NAALAD2: variants seen among roughly 807,000 people sequenced by gnomAD.
NAALAD2 encodes the protein N-acetylated-alpha-linked acidic dipeptidase 2.
In NAALAD2, 89 loss-of-function variants were observed where a neutral mutation model predicts 95.6. That is an observed-to-expected ratio of 0.93 (90% CI 0.78 to 1.11). NAALAD2 has a LOEUF of 1.11. Ranked by LOEUF, NAALAD2 falls within the 50% of genes least tolerant of loss-of-function variation. The pLI is 0.00. For missense variants in NAALAD2, 894 were observed against 872.4 expected (o/e 1.02, Z -0.31); for synonymous variants, 264 against 294.4 (o/e 0.90, Z 1.06).
chr11:90,159,119 G>A, intron 7 of NAALAD2, 120 bp from the exon 8 acceptor site: 1 of 774,700 alleles, frequency 1.3e-6, no homozygotes. Flanking sequence ...ACAGTACCTG[G>A]CACTTAGTAA....
chr11:90,177,586 G>GTTTTGTTTTTTTTT (rs1952833043), intron 15 of NAALAD2, among the ~76,000 whole-genome samples: 1 of 28,456 alleles, frequency 3.5e-5, no homozygotes, highest in Non-Finnish European at 6.2e-5. Context: ...TCTTTTTCTT[G>GTTTTGTTTTTTTTT]TTTTTTTTTT....
At chr11:90,135,229 C>T (rs749117707) in intron 1 of NAALAD2, 2 of 293,004 alleles carry the variant, frequency 6.8e-6, no homozygotes, top group East Asian at 6.4e-5. Flanking sequence ...CTGCTCTATA[C>T]GTAAATAAAT....
Position 90,152,291 on chromosome 11 carries a change from C to T in NAALAD2, c.610-7C>T, listed in dbSNP as rs1434955285. ...TCTGCATTATGAATTGCACATTGCCCCTGCAGGTTAAAAATGCCATGTTAG... is the reference window on the plus strand; with the variant it reads ...TCTGCATTATGAATTGCACATTGCCTCTGCAGGTTAAAAATGCCATGTTAG... On this transcript the variant is annotated splice_polypyrimidine_tract_variant and splice_region_variant and intron_variant, in intron 5 of 18. Coordinates refer to ENST00000534061, the MANE Select transcript of NAALAD2 (RefSeq NM_005467.4). The T allele has an allele frequency of 1.3e-6, 2 of 1,581,922 alleles. No homozygotes were observed. Among genetic ancestry groups the T allele is most frequent in the Non-Finnish European group, 1.7e-6 (2 of 1,156,398 alleles).
At position 90,192,141 on chromosome 11, in the gene NAALAD2, T is replaced by C. The variant is rs143722547; in HGVS notation, c.*394T>C. 1.8e-3 allele frequency: 274 copies of C among 152,876 alleles called. 5 individuals are homozygous for C. In the East Asian group the frequency reaches 0.025, roughly 14 times the overall value. 9.5% of individuals were successfully genotyped at this position (152,876 alleles called of 1,614,324 possible). On this transcript the variant is annotated 3_prime_UTR_variant, in exon 19 of 19. Coordinates refer to ENST00000534061, the MANE Select transcript of NAALAD2 (RefSeq NM_005467.4). ...GACTCCAGAATTCCACTTCTAGTTATTTATTCAAGAGAAGGAAAAACAATG... is the reference window on the plus strand; with the variant it reads ...GACTCCAGAATTCCACTTCTAGTTACTTATTCAAGAGAAGGAAAAACAATG...
chr11:90,149,560 G>A (rs192618423), intron 4 of NAALAD2, among the ~76,000 whole-genome samples: 4 of 151,970 alleles, frequency 2.6e-5, no homozygotes, highest in Admixed American at 6.6e-5. Context: ...TCAGCCTCCC[G>A]CGTAGCTGGG....
At chr11:90,167,897 A>G (rs1952518297) in intron 11 of NAALAD2, among the ~76,000 whole-genome samples, 1 of 152,142 alleles carries the variant, frequency 6.6e-6, no homozygotes. Flanking sequence ...TGTAAAATGG[A>G]CCAGTCAGCA....
chr11:90,167,130 G>T (rs1952480571), intron 11 of NAALAD2, among the ~76,000 whole-genome samples: 1 of 152,216 alleles, frequency 6.6e-6, no homozygotes, highest in South Asian at 2.1e-4. Context: ...CACTGTGGGA[G>T]CCCCTTTCTG....
chr11:90,134,956 G>T (rs2134809622), intron 1 of NAALAD2, 116 bp downstream of exon 1: 1 of 1,147,236 alleles, frequency 8.7e-7, no homozygotes, highest in Non-Finnish European at 1.3e-6. Flanking sequence ...GGCCGGCTGG[G>T]CTAGATATGA....
intron 12 of NAALAD2, chr11:90,169,410 C>T (rs1952566957): frequency 6.4e-6 from 1 of 156,216 alleles, no homozygotes. Flanking sequence ...AGTAAGTGTA[C>T]TCACTTACTC....
intron 14 of NAALAD2, among the ~76,000 whole-genome samples, chr11:90,175,408 T>C (rs564186470): frequency 2.0e-5 from 3 of 152,326 alleles, no homozygotes; most frequent in African/African-American, 7.2e-5. Flanking sequence ...TTACTAAAAA[T>C]TTTCATGTCT....
chr11:90,155,743 GTAT>G (rs1451291426), intron 6 of NAALAD2, among the ~76,000 whole-genome samples: 3 of 116,220 alleles, frequency 2.6e-5, no homozygotes, highest in African/African-American at 3.4e-5. Flanking sequence ...ACATATGTAT[GTAT>G]TATTACATAT....
At position 90,170,097 on chromosome 11, in the gene NAALAD2, T is replaced by C; in HGVS notation, c.1371T>C (p.Thr457=). The change falls in exon 13 of 19, where the codon ACT becomes ACC. Residue 457 remains threonine (T), a synonymous_variant. Transcript: ENST00000534061. ...EGNYTLRVDC[T]PLLYQLVYKL... ...ATTATACTCTCAGAGTTGACTGTAC[T>C]CCCCTTCTTTACCAATTAGTGTATA... The C allele has an allele frequency of 6.3e-7, 1 of 1,591,004 alleles. No homozygotes were observed. The highest frequency in any genetic ancestry group is 8.6e-7 in the Non-Finnish European group (1 of 1,159,208).
At chr11:90,152,829 A>G (rs1357406947) in intron 6 of NAALAD2, among the ~76,000 whole-genome samples, 2 of 152,124 alleles carry the variant, frequency 1.3e-5, no homozygotes, top group African/African-American at 4.8e-5. Context: ...TAAAAATACA[A>G]TAGATAGATT....
At chr11:90,136,734 A>G (rs1410555116) in intron 2 of NAALAD2, among the ~76,000 whole-genome samples, 2 of 152,186 alleles carry the variant, frequency 1.3e-5, no homozygotes, top group Admixed American at 1.3e-4. Flanking sequence ...GCTGCTATGA[A>G]CAGATGTTTA....
chr11:90,170,371 G>A (rs1952599483), intron 13 of NAALAD2, among the ~76,000 whole-genome samples: 1 of 152,156 alleles, frequency 6.6e-6, no homozygotes, highest in African/African-American at 2.4e-5. Context: ...GTAAATAGTT[G>A]TAACATGTAT....
chr11:90,136,993 A>G (rs1315078309), intron 2 of NAALAD2, among the ~76,000 whole-genome samples: 2 of 152,178 alleles, frequency 1.3e-5, no homozygotes, highest in Admixed American at 1.3e-4. Flanking sequence ...AACAAATATT[A>G]TGGTGTATAT....
At chr11:90,173,293 G>T (rs1035543279) in intron 13 of NAALAD2, among the ~76,000 whole-genome samples, 1 of 151,958 alleles carries the variant, frequency 6.6e-6, no homozygotes, top group African/African-American at 2.4e-5. Flanking sequence ...AACATAATAA[G>T]ACTGTCTAAA....
At chr11:90,161,925 GA>G (rs11322265) in intron 8 of NAALAD2, among the ~76,000 whole-genome samples, 69,137 of 143,338 alleles carry the variant, frequency 0.48, 17,302 homozygotes, top group African/African-American at 0.69. Context: ...GCCTTAAAAT[GA>G]AAAAAAAAAA....
intron 2 of NAALAD2, among the ~76,000 whole-genome samples, chr11:90,141,648 C>T (rs183344911): frequency 6.6e-6 from 1 of 151,978 alleles, no homozygotes; most frequent in East Asian, 1.9e-4. Flanking sequence ...CAGAGTCTTG[C>T]CATATTTCCC....
Sources: allele counts gnomAD v4.1 joint callset (sites outside exome capture counted in the v4.1 genomes callset), GRCh38; gene constraint gnomAD v4.1.1; transcripts MANE v1.5; gene names NCBI Gene and HGNC (gene_info 2026-07-23, HGNC 2026-07-21).